The following ITIH5 variants were observed in gnomAD, a reference collection of about 807,000 sequenced individuals.
ITIH5 encodes inter-alpha-trypsin inhibitor heavy chain 5, also known as inter-alpha-trypsin inhibitor heavy chain H5.
ITIH5 carries 65 observed loss-of-function variants against 77.5 expected under a neutral mutation model. That is an observed-to-expected ratio of 0.84 (90% CI 0.69 to 1.03). The LOEUF (loss-of-function observed/expected upper bound fraction) is 1.03. Ranked by LOEUF, ITIH5 falls within the 50% of genes least tolerant of loss-of-function variation. ITIH5 has a pLI of 0.00. For synonymous variants in ITIH5, 525 were observed against 494.3 expected (o/e 1.06, Z -0.82); for missense variants, 1,208 against 1,213.1 (o/e 1.00, Z 0.06).
At chr10:7,581,302 A>C (rs1440785772) in intron 8 of ITIH5, among the ~76,000 whole-genome samples, 3 of 152,120 alleles carry the variant, frequency 2.0e-5, no homozygotes, top group Non-Finnish European at 4.4e-5. Flanking sequence ...AATAAATAAA[A>C]TAAAGTTGGG....
chr10:7,597,620 CCCCCTCTGT>C (rs1328113519), intron 7 of ITIH5, among the ~76,000 whole-genome samples: 27 of 142,914 alleles, frequency 1.9e-4, no homozygotes, highest in Non-Finnish European at 3.8e-4. Context: ...CTTGGAGTCA[CCCCCTCTGT>C]ACCCCAGAGA....
At chr10:7,587,878 G>C (rs747915421) in intron 7 of ITIH5, among the ~76,000 whole-genome samples, 1 of 152,066 alleles carries the variant, frequency 6.6e-6, no homozygotes, top group Non-Finnish European at 1.5e-5. Flanking sequence ...CCTTCCCCAG[G>C]TTCAGACAGA....
At chr10:7,629,987 T>A (rs939802802) in intron 5 of ITIH5, among the ~76,000 whole-genome samples, 4 of 152,210 alleles carry the variant, frequency 2.6e-5, no homozygotes, top group African/African-American at 7.2e-5. Context: ...GCTACGGAGC[T>A]GTACTTTTGG....
chr10:7,605,533 A>AC (rs767043819), intron 7 of ITIH5, among the ~76,000 whole-genome samples: 1,582 of 45,396 alleles, frequency 0.035, 25 homozygotes, highest in African/African-American at 0.1. Flanking sequence ...CATACCTAGC[A>AC]CCCCACCCCC....
chr10:7,637,127 G>A lies in ITIH5; in HGVS notation c.652+101C>T, dbSNP rs577850068. 9 of 1,387,414 alleles carry A rather than the reference G, an allele frequency of 6.5e-6. No homozygotes were observed. The African/African-American group carries it at 8.6e-5, about 13-fold the overall frequency. 85.9% of individuals were successfully genotyped at this position (1,387,414 alleles called of 1,614,324 possible). A position where few individuals can be genotyped will look rare whatever the true frequency, so the allele number is the denominator to read the frequency against. Reference sequence around the variant, plus strand: ...GTTCCTACAAAAATGCAAAGGCTTTGCTGAAGGGAAGGGTGCCATCTCTTG... The same window carrying A: ...GTTCCTACAAAAATGCAAAGGCTTTACTGAAGGGAAGGGTGCCATCTCTTG... On this transcript the variant is annotated intron_variant, in intron 5 of 13. Coordinates refer to ENST00000397146, the MANE Select transcript of ITIH5 (RefSeq NM_030569.7).
At chr10:7,594,956 G>A (rs192354800) in intron 7 of ITIH5, among the ~76,000 whole-genome samples, 2 of 152,226 alleles carry the variant, frequency 1.3e-5, no homozygotes, top group African/African-American at 2.4e-5. Flanking sequence ...TTTCCCCTGG[G>A]GGGTCCGTGC....
chr10:7,570,607 T>C (rs760396041), intron 11 of ITIH5, among the ~76,000 whole-genome samples: 1 of 152,196 alleles, frequency 6.6e-6, no homozygotes, highest in Non-Finnish European at 1.5e-5. Context: ...CTAATTTATA[T>C]TCCAAGTGCA....
chr10:7,665,845 C>A (rs1400057495), intron 1 of ITIH5, among the ~76,000 whole-genome samples: 1 of 152,186 alleles, frequency 6.6e-6, no homozygotes, highest in Non-Finnish European at 1.5e-5. Flanking sequence ...TACTCCCCCC[C>A]TAGAAGGAAG....
chr10:7,574,035 T>C (rs1832358816), intron 10 of ITIH5, among the ~76,000 whole-genome samples: 1 of 152,102 alleles, frequency 6.6e-6, no homozygotes, highest in South Asian at 2.1e-4. Context: ...AAACAAACAA[T>C]AATGTAATAA....
At chr10:7,661,230 G>T (rs1001401986) in intron 1 of ITIH5, among the ~76,000 whole-genome samples, 4 of 152,158 alleles carry the variant, frequency 2.6e-5, no homozygotes, top group Non-Finnish European at 5.9e-5. Flanking sequence ...TAGAAAGGTT[G>T]GGGACTGCTG....
At chr10:7,590,224 C>T (rs1564248034) in intron 7 of ITIH5, among the ~76,000 whole-genome samples, 1 of 152,098 alleles carries the variant, frequency 6.6e-6, no homozygotes, top group Non-Finnish European at 1.5e-5. Flanking sequence ...CAACCTTCAC[C>T]CGTGGTCCAA....
chr10:7,630,095 T>C (rs1439907989), intron 5 of ITIH5, among the ~76,000 whole-genome samples: 1 of 152,244 alleles, frequency 6.6e-6, no homozygotes, highest in Non-Finnish European at 1.5e-5. Flanking sequence ...CTGACTATTT[T>C]TTCTGCCACT....
At chr10:7,640,652 T>C in intron 4 of ITIH5, 102 bp downstream of exon 4, 1 of 702,596 alleles carries the variant, frequency 1.4e-6, no homozygotes, top group Non-Finnish European at 2.5e-6. Flanking sequence ...AAGAGAAAAG[T>C]ATTTGGAGGA....
At position 7,562,084 on chromosome 10, in the gene ITIH5, A is replaced by C. The variant is rs1205262822; in HGVS notation, c.*999T>G. On this transcript the variant is annotated 3_prime_UTR_variant, in exon 14 of 14. Coordinates refer to ENST00000397146, the MANE Select transcript of ITIH5 (RefSeq NM_030569.7). ...GCTGGAAGTCCTAGATTTCCTAAGCACCGACACGCTTCCTGCTATAGGTGG... is the reference window on the plus strand; with the variant it reads ...GCTGGAAGTCCTAGATTTCCTAAGCCCCGACACGCTTCCTGCTATAGGTGG... The C allele has an allele frequency of 6.6e-6, 1 of 152,154 alleles. No individual in the cohort carries two copies. Among genetic ancestry groups the C allele is most frequent in the Non-Finnish European group, 1.5e-5 (1 of 68,088 alleles). 9.4% of individuals were successfully genotyped at this position (152,154 alleles called of 1,614,324 possible).
chr10:7,580,474 G>A (rs1480817979), intron 8 of ITIH5, among the ~76,000 whole-genome samples: 1 of 152,216 alleles, frequency 6.6e-6, no homozygotes, highest in African/African-American at 2.4e-5. Context: ...GCTCACAGGA[G>A]TGAGGTGTTA....
At chr10:7,594,752 GTCAC>G (rs1323220295) in intron 7 of ITIH5, among the ~76,000 whole-genome samples, 2 of 152,166 alleles carry the variant, frequency 1.3e-5, no homozygotes, top group East Asian at 3.9e-4. Context: ...TGGGGTTAGG[GTCAC>G]TGCCTGACAA....
rs568347563 is a variant in ITIH5, at chr10:7,586,141, G to A, written c.940-72C>T. The A allele has an allele frequency of 2.6e-4, 335 of 1,293,390 alleles. 2 individuals carry two copies. The African/African-American group carries it at 4.7e-3, about 18-fold the overall frequency. 80.1% of individuals were successfully genotyped at this position (1,293,390 alleles called of 1,614,324 possible). On this transcript the variant is annotated intron_variant, in intron 7 of 13. Coordinates refer to ENST00000397146, the MANE Select transcript of ITIH5 (RefSeq NM_030569.7). ...CCACTTGTCCCCTGTTCTAGAAACC[G>A]CCCCCGCCCCCCAGGAAAAATGTCA...
At position 7,586,126 on chromosome 10, in the gene ITIH5, CCT is replaced by C. The variant is rs113180104; in HGVS notation, c.940-59_940-58del. On this transcript the variant is annotated intron_variant, in intron 7 of 13. Coordinates refer to ENST00000397146, the MANE Select transcript of ITIH5 (RefSeq NM_030569.7). ...GCTGCTCACATAAGTCCACTTGTCC[CCT>C]GTTCTAGAAACCGCCCCCGCCCCCC... The C allele has an allele frequency of 3.0e-3, 4,502 of 1,509,908 alleles. 123 individuals carry two copies. The African/African-American group carries it at 0.056, about 19-fold the overall frequency. The allele number at this position is 1,509,908 out of a possible 1,614,324, so 93.5% of individuals were successfully genotyped here.
intron 7 of ITIH5, among the ~76,000 whole-genome samples, chr10:7,588,830 C>T (rs58052539): frequency 0.28 from 43,240 of 152,158 alleles, 6,490 homozygotes; most frequent in East Asian, 0.49. Flanking sequence ...CTAAATCTTA[C>T]GAGCCACCTG....
Sources: allele counts gnomAD v4.1 joint callset (sites outside exome capture counted in the v4.1 genomes callset), GRCh38; gene constraint gnomAD v4.1.1; transcripts MANE v1.5; gene names NCBI Gene and HGNC (gene_info 2026-07-23, HGNC 2026-07-21).